VTI1A: variants seen among roughly 807,000 people sequenced by gnomAD.
The protein encoded by VTI1A is vesicle transport through interaction with t-SNAREs homolog 1A.
Under a neutral mutation model 34.9 loss-of-function variants are expected in VTI1A, and 22 were observed. The observed-to-expected ratio is 0.63, with a 90% CI of 0.45 to 0.90. The LOEUF is 0.90. VTI1A is among the 40% of genes least tolerant of loss of function. The pLI, the probability that VTI1A is intolerant of heterozygous loss-of-function variation, is 0.00. For missense variants in VTI1A, 268 were observed against 275.6 expected (o/e 0.97, Z 0.20); for synonymous variants, 87 against 97.3 (o/e 0.89, Z 0.62).
chr10:112,665,317 AG>A (rs1380968970), intron 5 of VTI1A, among the ~76,000 whole-genome samples: 11 of 150,220 alleles, frequency 7.3e-5, no homozygotes, highest in African/African-American at 2.7e-4. Context: ...AAAAAAAAAA[AG>A]CCCACATAAG....
chr10:112,768,443 A>G (rs1450137458), intron 7 of VTI1A, among the ~76,000 whole-genome samples: 1 of 152,126 alleles, frequency 6.6e-6, no homozygotes, highest in African/African-American at 2.4e-5. Context: ...TCCTGGAGCA[A>G]CTGCTGCGGT....
chr10:112,643,511 G>A (rs1162729523), intron 5 of VTI1A, among the ~76,000 whole-genome samples: 1 of 152,064 alleles, frequency 6.6e-6, no homozygotes, highest in African/African-American at 2.4e-5. Flanking sequence ...GCCCTGAAGT[G>A]TGTTACACAT....
intron 7 of VTI1A, among the ~76,000 whole-genome samples, chr10:112,746,987 A>C (rs901516202): frequency 1.3e-5 from 2 of 152,222 alleles, no homozygotes; most frequent in African/African-American, 4.8e-5. Context: ...TTACAGATGA[A>C]GACAGTGAGA....
chr10:112,780,687 A>T (rs1564922648), intron 7 of VTI1A, among the ~76,000 whole-genome samples: 2 of 152,176 alleles, frequency 1.3e-5, no homozygotes, highest in African/African-American at 4.8e-5. Flanking sequence ...GAAACTAAAT[A>T]TCAGTAAAAT....
chr10:112,718,480 G>T (rs749652820), intron 7 of VTI1A, among the ~76,000 whole-genome samples: 2 of 152,232 alleles, frequency 1.3e-5, no homozygotes, highest in Non-Finnish European at 2.9e-5. Flanking sequence ...CTTCAAGTGT[G>T]CTATCTTTAA....
chr10:112,820,665 C>G (rs952711021), downstream of VTI1A, among the ~76,000 whole-genome samples: 1 of 152,230 alleles, frequency 6.6e-6, no homozygotes, highest in Non-Finnish European at 1.5e-5. Context: ...GGAGCCAGGA[C>G]TTCCTGAAAT....
In VTI1A at chr10:112,519,960, A is replaced by G. The variant is rs980214396; in HGVS notation, c.265-7127A>G. Among the ~76,000 whole-genome samples, 11 of 152,164 alleles carry G rather than the reference A, an allele frequency of 7.2e-5. No homozygotes were observed. In the South Asian group the frequency reaches 1.9e-3, roughly 26 times the overall value. ...AACTAGCATTATAGGAATTAATTGT[A>G]TACACTTATATACTTTGTTGCAGTA... On this transcript the variant is annotated intron_variant, in intron 3 of 7. Coordinates refer to ENST00000393077, the MANE Select transcript of VTI1A (RefSeq NM_145206.4).
chr10:112,804,873 TTTTTTG>T (rs1312625477), intron 7 of VTI1A, among the ~76,000 whole-genome samples: 2 of 143,498 alleles, frequency 1.4e-5, no homozygotes, highest in Non-Finnish European at 3.0e-5. Context: ...TTTTTTTTTT[TTTTTTG>T]AGACAGAGTC....
At chr10:112,520,544 T>G (rs1849976830) in intron 3 of VTI1A, among the ~76,000 whole-genome samples, 1 of 151,796 alleles carries the variant, frequency 6.6e-6, no homozygotes, top group African/African-American at 2.4e-5. Context: ...GTTCCTAATA[T>G]AAATAAAAGT....
At chr10:112,744,788 TC>T (rs1382095716) in intron 7 of VTI1A, among the ~76,000 whole-genome samples, 2 of 152,122 alleles carry the variant, frequency 1.3e-5, no homozygotes, top group Non-Finnish European at 2.9e-5. Context: ...TGCATCGACA[TC>T]CCTCCCTGTC....
intron 5 of VTI1A, among the ~76,000 whole-genome samples, chr10:112,546,811 T>C (rs1360362222): frequency 6.6e-6 from 1 of 152,148 alleles, no homozygotes; most frequent in Admixed American, 6.6e-5. Context: ...AAAGAAAATA[T>C]TTTCCACCCA....
intron 5 of VTI1A, among the ~76,000 whole-genome samples, chr10:112,617,057 G>A (rs1166756090): frequency 2.6e-5 from 4 of 151,798 alleles, no homozygotes; most frequent in African/African-American, 9.7e-5. Flanking sequence ...CACAGACCAA[G>A]CAAAATAAAT....
chr10:112,492,943 T>A (rs1564799327), intron 3 of VTI1A, among the ~76,000 whole-genome samples: 1 of 152,356 alleles, frequency 6.6e-6, no homozygotes, highest in East Asian at 1.9e-4. Flanking sequence ...CACGATCATG[T>A]GCAGTCCGTC....
intron 5 of VTI1A, among the ~76,000 whole-genome samples, chr10:112,633,626 C>T (rs1846228371): frequency 6.6e-6 from 1 of 151,986 alleles, no homozygotes; most frequent in Non-Finnish European, 1.5e-5. Context: ...AGGGCATTGC[C>T]CCCAAAAAGT....
the VTI1A span, among the ~76,000 whole-genome samples, chr10:112,829,228 A>G: frequency 6.7e-6 from 1 of 149,118 alleles, no homozygotes; most frequent in African/African-American, 2.5e-5. Flanking sequence ...GCAGACCACG[A>G]GGTCAGGAGA....
upstream of VTI1A, chr10:112,447,198 A>G (rs1054714257): frequency 8.0e-5 from 48 of 599,746 alleles, no homozygotes; most frequent in Admixed American, 4.4e-4. Flanking sequence ...CAATTTCCGG[A>G]GAACCGAGAT....
intron 5 of VTI1A, among the ~76,000 whole-genome samples, chr10:112,565,149 T>C (rs1274341661): frequency 6.6e-6 from 1 of 152,162 alleles, no homozygotes; most frequent in Non-Finnish European, 1.5e-5. Context: ...CTATCACTTG[T>C]ACCATAAAAC....
At chr10:112,520,923 G>A (rs940803484) in intron 3 of VTI1A, among the ~76,000 whole-genome samples, 2 of 151,774 alleles carry the variant, frequency 1.3e-5, no homozygotes, top group Non-Finnish European at 2.9e-5. Context: ...AAAGAACAAT[G>A]GATTATTTTG....
At chr10:112,527,798 TCTTA>T (rs1850288863) in intron 4 of VTI1A, among the ~76,000 whole-genome samples, 1 of 151,964 alleles carries the variant, frequency 6.6e-6, no homozygotes, top group African/African-American at 2.4e-5. Context: ...TACAGTTTCT[TCTTA>T]AAAGAGCTTT....
Sources: allele counts gnomAD v4.1 joint callset (sites outside exome capture counted in the v4.1 genomes callset), GRCh38; gene constraint gnomAD v4.1.1; transcripts MANE v1.5; gene names NCBI Gene and HGNC (gene_info 2026-07-23, HGNC 2026-07-21).